Variants in EYS observed in about 807,000 individuals in gnomAD.
EYS encodes protein eyes shut homolog.
EYS carries 250 observed loss-of-function variants against 282.1 expected under a neutral mutation model. The ratio of observed to expected loss-of-function variants is 0.89; its 90% CI spans 0.80 to 0.98. The LOEUF (loss-of-function observed/expected upper bound fraction) is 0.98. EYS is among the 50% of genes least tolerant of loss of function. EYS has a pLI of 0.00. For missense variants in EYS, 4,016 were observed against 3,709.0 expected (o/e 1.08, Z -2.15); for synonymous variants, 1,355 against 1,282.9 (o/e 1.06, Z -1.20).
At chr6:63,809,494 C>T (rs180875175) in intron 36 of EYS, among the ~76,000 whole-genome samples, 2 of 151,990 alleles carry the variant, frequency 1.3e-5, no homozygotes, top group Non-Finnish European at 2.9e-5. Context: ...CTCACAGATA[C>T]CATGTGTAAA....
intron 15 of EYS, among the ~76,000 whole-genome samples, chr6:64,915,437 T>C (rs1768129891): frequency 6.6e-6 from 1 of 152,158 alleles, no homozygotes; most frequent in African/African-American, 2.4e-5. Context: ...ACAGATCAAC[T>C]TATCTGCACT....
chr6:64,042,240 A>C (rs904184342), intron 33 of EYS, among the ~76,000 whole-genome samples: 1 of 152,230 alleles, frequency 6.6e-6, no homozygotes, highest in East Asian at 1.9e-4. Context: ...TCAGGAAATA[A>C]TAATTAATTC....
Position 64,388,845 on chromosome 6 carries a change from A to G in EYS, c.5928-5T>C. On this transcript the variant is annotated splice_region_variant and splice_polypyrimidine_tract_variant and intron_variant, in intron 28 of 42. Coordinates refer to ENST00000503581, the MANE Select transcript of EYS (RefSeq NM_001142800.2). ...TTACATGGATCCAATTCTTGCCTGT[A>G]ACCATTTAAGAAAGAAATGGTTTTA... is the stretch of plus-strand genomic sequence containing the variant. The G allele has an allele frequency of 6.7e-7, 1 of 1,485,612 alleles. No homozygotes were observed. The highest frequency in any genetic ancestry group is 8.9e-7 in the Non-Finnish European group (1 of 1,117,698). 92.0% of individuals were successfully genotyped at this position (1,485,612 alleles called of 1,614,324 possible). A position where few individuals can be genotyped will look rare whatever the true frequency, so the allele number is the denominator to read the frequency against.
intron 41 of EYS, among the ~76,000 whole-genome samples, chr6:63,733,568 C>T (rs1180157488): frequency 6.6e-6 from 1 of 152,110 alleles, no homozygotes; most frequent in African/African-American, 2.4e-5. Flanking sequence ...TATTAATTTG[C>T]TTACGATAAT....
chr6:64,849,374 G>T (rs1583220397), intron 19 of EYS, among the ~76,000 whole-genome samples: 1 of 151,930 alleles, frequency 6.6e-6, no homozygotes, highest in Non-Finnish European at 1.5e-5. Context: ...ATAGTCAGAG[G>T]TAATGGAGTG....
chr6:65,297,970 C>T (rs1256587770), intron 11 of EYS, among the ~76,000 whole-genome samples: 3 of 151,996 alleles, frequency 2.0e-5, no homozygotes, highest in East Asian at 1.9e-4. Context: ...ATGTATAATG[C>T]CAAGATTATT....
chr6:63,841,587 C>T (rs1278066901), intron 36 of EYS, among the ~76,000 whole-genome samples: 1 of 151,938 alleles, frequency 6.6e-6, no homozygotes, highest in African/African-American at 2.4e-5. Context: ...ACTGCAATGA[C>T]TTCTTTGTTT....
At chr6:65,328,678 AAGC>A (rs1769691859) in intron 11 of EYS, among the ~76,000 whole-genome samples, 2 of 151,112 alleles carry the variant, frequency 1.3e-5, no homozygotes, top group Admixed American at 1.3e-4. Flanking sequence ...AGAAAGTAAA[AAGC>A]AGAAGCCTAC....
At chr6:64,443,002 A>T (rs1775000628) in intron 26 of EYS, among the ~76,000 whole-genome samples, 1 of 152,110 alleles carries the variant, frequency 6.6e-6, no homozygotes, top group African/African-American at 2.4e-5. Flanking sequence ...AGAATGGTAG[A>T]TCCACTGACG....
chr6:65,332,132 T>C, intron 11 of EYS: 1 of 447,670 alleles, frequency 2.2e-6, no homozygotes, highest in Non-Finnish European at 4.0e-6. Context: ...CTTCTTATTT[T>C]TTTTTAACTT....
intron 28 of EYS, among the ~76,000 whole-genome samples, chr6:64,393,541 T>C (rs899975486): frequency 6.6e-6 from 1 of 152,086 alleles, no homozygotes; most frequent in Non-Finnish European, 1.5e-5. Context: ...CACATGATTA[T>C]CTCAATAGAT....
intron 28 of EYS, among the ~76,000 whole-genome samples, chr6:64,396,923 A>C (rs10944495): frequency 0.37 from 55,468 of 151,840 alleles, 10,822 homozygotes; most frequent in African/African-American, 0.52. Flanking sequence ...TGTGCACACA[A>C]GGGTGTGTAT....
intron 13 of EYS, among the ~76,000 whole-genome samples, chr6:65,042,009 G>C (rs1248209096): frequency 1.3e-5 from 2 of 151,592 alleles, no homozygotes; most frequent in African/African-American, 4.8e-5. Flanking sequence ...CTGACTTAGA[G>C]ACTTAACAAA....
intron 35 of EYS, among the ~76,000 whole-genome samples, chr6:63,935,780 C>T (rs1765040751): frequency 6.6e-6 from 1 of 152,174 alleles, no homozygotes; most frequent in African/African-American, 2.4e-5. Flanking sequence ...TTTACTTTTG[C>T]AACAGTACTC....
At chr6:65,676,219 A>G (rs1222267411) in intron 1 of EYS, among the ~76,000 whole-genome samples, 1 of 151,812 alleles carries the variant, frequency 6.6e-6, no homozygotes, top group Non-Finnish European at 1.5e-5. Flanking sequence ...AGAAGGAAGG[A>G]ATTTTAATGA....
At chr6:63,751,145 T>C (rs990501636) in intron 41 of EYS, among the ~76,000 whole-genome samples, 2 of 152,202 alleles carry the variant, frequency 1.3e-5, no homozygotes, top group Non-Finnish European at 2.9e-5. Flanking sequence ...TCCCAGAGCG[T>C]TGTTCTTTAA....
chr6:64,917,476 G>T (rs1562258146), intron 15 of EYS, among the ~76,000 whole-genome samples: 1 of 152,048 alleles, frequency 6.6e-6, no homozygotes, highest in Non-Finnish European at 1.5e-5. Flanking sequence ...CAGTTTAAAA[G>T]AATATTTTCT....
intron 22 of EYS, 70 bp downstream of exon 22, chr6:64,813,308 A>G: frequency 8.6e-7 from 1 of 1,158,676 alleles, no homozygotes; most frequent in Non-Finnish European, 1.2e-6. Context: ...TGCAGAGTGC[A>G]TTACTAGTGG....
At chr6:64,068,102 T>G (rs1771444122) in intron 32 of EYS, among the ~76,000 whole-genome samples, 1 of 152,166 alleles carries the variant, frequency 6.6e-6, no homozygotes, top group South Asian at 2.1e-4. Flanking sequence ...ATTTAACACT[T>G]TACCAGCAGC....
Sources: allele counts gnomAD v4.1 joint callset (sites outside exome capture counted in the v4.1 genomes callset), GRCh38; gene constraint gnomAD v4.1.1; transcripts MANE v1.5; gene names NCBI Gene and HGNC (gene_info 2026-07-23, HGNC 2026-07-21).